Variants in SYBU observed in about 807,000 individuals in gnomAD.
SYBU encodes syntabulin, also known as GOLSYN A protein.
In SYBU, 21 loss-of-function variants were observed where a neutral mutation model predicts 35.9. The ratio of observed to expected loss-of-function variants is 0.58; its 90% CI spans 0.41 to 0.84. The LOEUF (loss-of-function observed/expected upper bound fraction) is 0.84. Among genes scored for constraint, SYBU ranks in the 40% least tolerant of loss-of-function variants. The pLI is 0.00. For synonymous variants in SYBU, 319 were observed against 324.3 expected, an observed-to-expected ratio of 0.98 and a Z score of 0.18; for missense variants, 768 against 848.2, an observed-to-expected ratio of 0.91 and a Z score of 1.17.
intron 1 of SYBU, among the ~76,000 whole-genome samples, chr8:109,676,002 C>T (rs563907666): frequency 1.2e-4 from 18 of 152,280 alleles, no homozygotes; most frequent in Admixed American, 2.6e-4. Context: ...AATCAATAAA[C>T]GTAATCCATC....
intron 3 of SYBU, among the ~76,000 whole-genome samples, chr8:109,591,423 G>T (rs1184389517): frequency 6.6e-6 from 1 of 150,980 alleles, no homozygotes; most frequent in Non-Finnish European, 1.5e-5. Flanking sequence ...CTCTAACCAT[G>T]TGCACATTAT....
At chr8:109,607,994 C>T in intron 3 of SYBU, 1 of 1,529,210 alleles carries the variant, frequency 6.5e-7, no homozygotes, top group Non-Finnish European at 8.8e-7. Context: ...ATGTCTTTTG[C>T]AGAAATACAG....
intron 4 of SYBU, chr8:109,580,682 G>C (rs1306686236): frequency 6.6e-6 from 1 of 152,586 alleles, no homozygotes; most frequent in Non-Finnish European, 1.5e-5. Context: ...CTTGTGGCTG[G>C]AGTGGCCTTT....
chr8:109,579,787 A>T lies in SYBU; in HGVS notation c.734+12T>A, dbSNP rs754389407. On this transcript the variant is annotated intron_variant, in intron 5 of 6. Transcript: ENST00000276646. Reference sequence around the variant, plus strand: ...CAAACTAAGATGCATGAATTAGGTGAGCAGGACTCACCTCATGATGGGGCT... The same window carrying T: ...CAAACTAAGATGCATGAATTAGGTGTGCAGGACTCACCTCATGATGGGGCT... 1 of 1,612,440 alleles carries T rather than the reference A, an allele frequency of 6.2e-7. No individual in the cohort carries two copies. The highest frequency in any genetic ancestry group is 8.5e-7 in the Non-Finnish European group (1 of 1,178,492).
At chr8:109,645,626 G>GGTTTTTTTTTTTTTTTTTTTTTTT (rs1815583563), upstream of SYBU, 1 of 244,788 alleles carries the variant, frequency 4.1e-6, no homozygotes, top group African/African-American at 2.8e-5. Flanking sequence ...TTGTTGTTTC[G>GGTTTTTTTTTTTTTTTTTTTTTTT]TTTTTTGTTT....
intron 3 of SYBU, among the ~76,000 whole-genome samples, chr8:109,613,187 A>G (rs1811385324): frequency 6.6e-6 from 1 of 152,156 alleles, no homozygotes; most frequent in African/African-American, 2.4e-5. Flanking sequence ...ATGGGATAAC[A>G]TAACCTGCTA....
At chr8:109,604,378 T>C (rs923829005) in intron 3 of SYBU, among the ~76,000 whole-genome samples, 10 of 152,174 alleles carry the variant, frequency 6.6e-5, no homozygotes, top group Non-Finnish European at 1.2e-4. Context: ...AGAGTCTAGG[T>C]AACATGGTCA....
intron 2 of SYBU, among the ~76,000 whole-genome samples, chr8:109,632,138 C>T (rs1255517014): frequency 6.6e-6 from 1 of 152,162 alleles, no homozygotes; most frequent in Non-Finnish European, 1.5e-5. Context: ...TAACCTCTCC[C>T]TCCAGGGTTC....
rs1160518845 is a variant in SYBU, at chr8:109,574,978, C to T, written c.1920G>A (p.Gly640=). The change falls in exon 7 of 7, where the codon GGG becomes GGA. Residue 640 remains glycine (G), a synonymous_variant. Coordinates refer to ENST00000276646, the MANE Select transcript of SYBU (RefSeq NM_001099754.2). ...CCACGCAACAGCCCCTGAGCAAGGC[C>T]CCGATGTTATACACAGGATCCGTTC... ...RGGTDPVYNI[G]ALLRGCCVVA... 1 of 1,540,612 alleles carries T rather than the reference C, an allele frequency of 6.5e-7. No homozygotes were observed. The highest frequency in any genetic ancestry group is 1.2e-5 in the South Asian group (1 of 80,186).
chr8:109,684,828 T>C (rs1817483195), upstream of SYBU, among the ~76,000 whole-genome samples: 1 of 152,204 alleles, frequency 6.6e-6, no homozygotes, highest in African/African-American at 2.4e-5. Flanking sequence ...CTCTGGCTCT[T>C]GGATTTTATG....
intron 1 of SYBU, among the ~76,000 whole-genome samples, chr8:109,677,149 A>G (rs3133926): frequency 0.27 from 40,744 of 151,918 alleles, 5,886 homozygotes; most frequent in East Asian, 0.52. Flanking sequence ...TTTGTGAGAG[A>G]CCTTTAAAGA....
chr8:109,629,933 T>G (rs1813415915), intron 2 of SYBU, among the ~76,000 whole-genome samples: 1 of 152,042 alleles, frequency 6.6e-6, no homozygotes, highest in Non-Finnish European at 1.5e-5. Flanking sequence ...TTTGGCTGCA[T>G]AAATGTCTTC....
chr8:109,631,372 C>T (rs1271607206), intron 2 of SYBU, among the ~76,000 whole-genome samples: 3 of 152,150 alleles, frequency 2.0e-5, no homozygotes, highest in Admixed American at 6.5e-5. Flanking sequence ...TTCCTTGTTT[C>T]TTGGAGACAA....
intron 1 of SYBU, among the ~76,000 whole-genome samples, chr8:109,668,129 GA>G (rs1453906399): frequency 1.4e-5 from 2 of 142,844 alleles, no homozygotes; most frequent in East Asian, 2.2e-4. Context: ...ATAAGGGAGG[GA>G]GGGGGGAAGG....
chr8:109,662,882 A>G (rs1816615330), intron 1 of SYBU, among the ~76,000 whole-genome samples: 1 of 152,178 alleles, frequency 6.6e-6, no homozygotes, highest in Admixed American at 6.5e-5. Context: ...ATGAACCTGA[A>G]GGCAAAGAAA....
intron 1 of SYBU, 125 bp downstream of exon 1, chr8:109,644,511 A>C: frequency 1.7e-6 from 2 of 1,145,284 alleles, no homozygotes; most frequent in Non-Finnish European, 2.5e-6. Context: ...AGACCCCACC[A>C]CCACCTCCTT....
chr8:109,637,786 G>C (rs888891419), intron 2 of SYBU, among the ~76,000 whole-genome samples: 1 of 152,142 alleles, frequency 6.6e-6, no homozygotes, highest in Non-Finnish European at 1.5e-5. Context: ...TTTTGGAGGC[G>C]TTGTCATGCC....
In SYBU at chr8:109,579,894, C is replaced by A. The variant is rs756168780; in HGVS notation, c.639G>T (p.Leu213=). 1.2e-6 allele frequency: 2 copies of A among 1,614,064 alleles called. No individual in the cohort carries two copies. Among genetic ancestry groups the A allele is most frequent in the Non-Finnish European group, 1.7e-6 (2 of 1,180,012 alleles). ...AACTGGGATGGATATTGACAGGGCT[C>A]AGCTGATTCCTGCACAGCATGGACA... The part of the protein sequence containing the change: ...DLLSMLCRNQ[L]SPVNIHPSYA... Residue 213 remains leucine (L), a synonymous_variant, in exon 5 of 7, where the codon CTG becomes CTT. Transcript: ENST00000276646.
At chr8:109,650,006 T>C (rs1816054034) in intron 1 of SYBU, among the ~76,000 whole-genome samples, 1 of 152,186 alleles carries the variant, frequency 6.6e-6, no homozygotes, top group South Asian at 2.1e-4. Context: ...ATCCAGTAGA[T>C]GAATTCTGGG....
Sources: allele counts gnomAD v4.1 joint callset (sites outside exome capture counted in the v4.1 genomes callset), GRCh38; gene constraint gnomAD v4.1.1; transcripts MANE v1.5; gene names NCBI Gene and HGNC (gene_info 2026-07-23, HGNC 2026-07-21).